The following PLK5 variants were observed in gnomAD, a reference collection of about 807,000 sequenced individuals.
The protein encoded by PLK5 is inactive serine/threonine-protein kinase PLK5.
Under a neutral mutation model 33.7 loss-of-function variants are expected in PLK5, and 28 were observed. That is an observed-to-expected ratio of 0.83 (90% confidence interval 0.62 to 1.14). The LOEUF is 1.14. Ranked by LOEUF, PLK5 falls within the 50% of genes most tolerant of loss-of-function variation. The pLI, the probability that PLK5 is intolerant of heterozygous loss-of-function variation, is 0.00. For missense variants in PLK5, 492 were observed against 461.5 expected (o/e 1.07, Z -0.61); for synonymous variants, 225 against 202.2 (o/e 1.11, Z -0.96).
chr19:1,526,600 C>T lies in PLK5; in HGVS notation c.-198C>T, dbSNP rs1433870547. On this transcript the variant is annotated 5_prime_UTR_variant, in exon 4 of 14. Transcript: ENST00000454744. ...CCTGCACCAGCGGTGCATCCTGCAC[C>T]GCGACCTGAAGCTCAGTGAGTGCCA... 5.9e-5 allele frequency: 20 copies of T among 338,606 alleles called. 1 individual carries two copies. The highest frequency in any genetic ancestry group is 2.2e-5 in the African/African-American group (1 of 45,470). 21.0% of individuals were successfully genotyped at this position (338,606 alleles called of 1,614,324 possible).
chr19:1,526,660 G>T, intron 4 of PLK5, 44 bp from the exon 5 acceptor site: 1 of 397,690 alleles, frequency 2.5e-6, no homozygotes, highest in South Asian at 2.3e-5. Flanking sequence ...GTCGGGAGGT[G>T]GGCACGGATC....
intron 12 of PLK5, among the ~76,000 whole-genome samples, chr19:1,532,269 G>C (rs1465301352): frequency 6.6e-6 from 1 of 152,010 alleles, no homozygotes; most frequent in Non-Finnish European, 1.5e-5. Flanking sequence ...AGCTTGGTGT[G>C]GTGGCACACA....
intron 12 of PLK5, among the ~76,000 whole-genome samples, chr19:1,532,902 G>A (rs971725861): frequency 1.3e-5 from 2 of 151,752 alleles, no homozygotes; most frequent in South Asian, 2.1e-4. Context: ...TCCTGACCTC[G>A]TGATCTGCCC....
chr19:1,530,603 CA>C (rs1398875891), intron 11 of PLK5, among the ~76,000 whole-genome samples: 1 of 100,238 alleles, frequency 1.0e-5, no homozygotes, highest in Non-Finnish European at 2.0e-5. Flanking sequence ...CGCCTGGGCG[CA>C]TTTTTTTTTT....
intron 5 of PLK5, 47 bp downstream of exon 5, chr19:1,526,838 G>A (rs1015669037): frequency 2.1e-5 from 19 of 912,432 alleles, no homozygotes; most frequent in Non-Finnish European, 2.6e-5. Context: ...GGGTGGGCAC[G>A]GCTGGCCCTG....
Position 1,528,439 on chromosome 19 carries a change from C to T in PLK5, c.328+11C>T, listed in dbSNP as rs1374663622. ...AGTGCCGGCCACCCTGTAAGTACCA[C>T]CCCCGCCCACACCTGCCCAACACCT... On this transcript the variant is annotated intron_variant, in intron 8 of 13. Transcript: ENST00000454744. The T allele has an allele frequency of 2.6e-6, 4 of 1,528,076 alleles. No individual in the cohort carries two copies. The highest frequency in any genetic ancestry group is 3.5e-6 in the Non-Finnish European group (4 of 1,142,458). 94.7% of individuals were successfully genotyped at this position (1,528,076 alleles called of 1,614,324 possible). A position where few individuals can be genotyped will look rare whatever the true frequency, so the allele number is the denominator to read the frequency against.
chr19:1,526,535 T>A lies in PLK5; in HGVS notation c.-263T>A. The A allele has an allele frequency of 3.5e-6, 1 of 288,072 alleles. No homozygotes were observed. Among genetic ancestry groups the A allele is most frequent in the South Asian group, 2.8e-5 (1 of 35,896 alleles). The allele number at this position is 288,072 out of a possible 1,614,324, so 17.8% of individuals were successfully genotyped here. A position where few individuals can be genotyped will look rare whatever the true frequency, so the allele number is the denominator to read the frequency against. On this transcript the variant is annotated 5_prime_UTR_variant, in exon 4 of 14. Transcript: ENST00000454744. ...CGGCAGATCCTGACGGAGCCAGAAGTGCGCGACTACCTGCGGGGCCTGGTC... is the reference window on the plus strand; with the variant it reads ...CGGCAGATCCTGACGGAGCCAGAAGAGCGCGACTACCTGCGGGGCCTGGTC...
rs1339382722 is a variant in PLK5, at chr19:1,531,753, T to C, written c.584T>C (p.Leu195Pro). The change falls in exon 12 of 14, where the codon CTG (leucine) becomes CCG (proline). Residue 195 changes from leucine to proline, a missense_variant. By Grantham distance (98) the Leu-to-Pro change is moderately conservative. Coordinates refer to ENST00000454744, the MANE Select transcript of PLK5 (RefSeq NM_001243079.2). ...DVGPPATQDP[L>P]GEQQPILWAP... is the part of the protein sequence containing the mutation. ...TTGTGCCCAGCCACACAGGACCCCCTGGGAGAGCAGCAGCCCATCCTCTGG... is the reference window on the plus strand; with the variant it reads ...TTGTGCCCAGCCACACAGGACCCCCCGGGAGAGCAGCAGCCCATCCTCTGG... The C allele has an allele frequency of 3.9e-6, 6 of 1,536,522 alleles. No homozygotes were observed. In the Admixed American group the frequency reaches 9.8e-5, roughly 25 times the overall value.
chr19:1,528,004 G>C lies in PLK5; in HGVS notation c.71G>C (p.Arg24Pro), dbSNP rs1016743302. ...SPLSEMYQNI[R>P]EGHYPEPAHL... is the part of the protein sequence containing the mutation. ...CTGTCGGAGATGTACCAAAACATCC[G>C]TGAGGGCCACTACCCCGAACCCGCT... is the stretch of plus-strand genomic sequence containing the variant. Residue 24 changes from arginine (R) to proline (P), a missense_variant, in exon 7 of 14, where the codon CGT (arginine) becomes CCT (proline). Physicochemically the swap from Arg to Pro is moderately radical, Grantham distance 103. Coordinates refer to ENST00000454744, the MANE Select transcript of PLK5 (RefSeq NM_001243079.2). 5.9e-6 allele frequency: 9 copies of C among 1,536,092 alleles called. No individual in the cohort carries two copies. The highest frequency in any genetic ancestry group is 7.8e-6 in the Non-Finnish European group (9 of 1,146,870).
chr19:1,526,189 C>T (rs1382240182), intron 3 of PLK5, among the ~76,000 whole-genome samples: 2 of 152,194 alleles, frequency 1.3e-5, no homozygotes, highest in Non-Finnish European at 2.9e-5. Flanking sequence ...GCGTTCACTC[C>T]TAATCACCTG....
chr19:1,535,262 G>T lies in PLK5; in HGVS notation c.*12G>T. On this transcript the variant is annotated 3_prime_UTR_variant, in exon 14 of 14. Transcript: ENST00000454744. ...TGCAGAGTATCTAGTGCCCCTGAGG[G>T]TCAGAGTGGACCCCTGCATGGTAGT... 1 of 1,533,740 alleles carries T rather than the reference G, an allele frequency of 6.5e-7. No individual in the cohort carries two copies. The highest frequency in any genetic ancestry group is 8.7e-7 in the Non-Finnish European group (1 of 1,145,572).
At chr19:1,534,924 G>A (rs1393081836) in intron 13 of PLK5, 141 bp from the exon 14 acceptor site, 22 of 758,664 alleles carry the variant, frequency 2.9e-5, no homozygotes, top group South Asian at 2.8e-4. Context: ...TCCCGACCCC[G>A]AGTTCCTGTG....
At position 1,524,470 on chromosome 19, in the gene PLK5, T is replaced by C; in HGVS notation, c.-544+224T>C. ...GTGTCCGTGGGTTGCGTGTCCGGGG[T>C]GTGGGCGTGCGGCTCGGCCTCGGGA... On this transcript the variant is annotated intron_variant, in intron 1 of 13. Coordinates refer to ENST00000454744, the MANE Select transcript of PLK5 (RefSeq NM_001243079.2). This position sits in a 1 kb window ranked among gnomAD's most constrained non-coding sequence, Gnocchi z 4.5. 6.6e-6 allele frequency among the ~76,000 whole-genome samples: 1 copy of C among 150,460 alleles called. No homozygotes were observed. Among genetic ancestry groups the C allele is most frequent in the East Asian group, 1.9e-4 (1 of 5,168 alleles).
At chr19:1,532,819 G>C (rs1201005437) in intron 12 of PLK5, among the ~76,000 whole-genome samples, 1 of 151,906 alleles carries the variant, frequency 6.6e-6, no homozygotes, top group Non-Finnish European at 1.5e-5. Context: ...ACCGCGCTCA[G>C]CCACTCCTGG....
At chr19:1,527,048 G>A (rs1304874606) in intron 6 of PLK5, 50 bp downstream of exon 6, 24 of 1,160,592 alleles carry the variant, frequency 2.1e-5, no homozygotes, top group Non-Finnish European at 2.7e-5. Context: ...GGGGGCAGGT[G>A]TGGCGGGGGG....
intron 13 of PLK5, among the ~76,000 whole-genome samples, chr19:1,534,333 C>A (rs1240352734): frequency 2.6e-5 from 4 of 151,206 alleles, no homozygotes; most frequent in Admixed American, 1.3e-4. Flanking sequence ...ACGGTGAAAC[C>A]CCATCTCTAC....
chr19:1,528,068 C>G lies in PLK5; in HGVS notation c.135C>G (p.Leu45=). 6.5e-7 allele frequency: 1 copy of G among 1,536,082 alleles called. No homozygotes were observed. Among genetic ancestry groups the G allele is most frequent in the Non-Finnish European group, 8.7e-7 (1 of 1,146,846 alleles). ...ATGCGCGCCGCCTCATCGTGCACCT[C>G]CTAGCACCCAACCCGGCCGAGCGGC... ...SANARRLIVH[L]LAPNPAERPS... is the part of the protein sequence containing the mutation. The change falls in exon 7 of 14, where the codon CTC becomes CTG. Residue 45 remains leucine, a synonymous_variant. Coordinates refer to ENST00000454744, the MANE Select transcript of PLK5 (RefSeq NM_001243079.2).
rs1913787022 is a variant in PLK5, at chr19:1,527,916, T to A, written c.3-20T>A. 6.5e-7 allele frequency: 1 copy of A among 1,528,722 alleles called. No individual in the cohort carries two copies. Among genetic ancestry groups the A allele is most frequent in the African/African-American group, 1.4e-5 (1 of 73,058 alleles). 94.7% of individuals were successfully genotyped at this position (1,528,722 alleles called of 1,614,324 possible). A position where few individuals can be genotyped will look rare whatever the true frequency, so the allele number is the denominator to read the frequency against. ...GAGCGATGCCTGGACACCCAGGTTCTTGCCCCCCACCTGGCCCAGGTACAC... is the reference window on the plus strand; with the variant it reads ...GAGCGATGCCTGGACACCCAGGTTCATGCCCCCCACCTGGCCCAGGTACAC... On this transcript the variant is annotated intron_variant, in intron 6 of 13. Coordinates refer to ENST00000454744, the MANE Select transcript of PLK5 (RefSeq NM_001243079.2).
chr19:1,526,392 CGCTCACCTGT>C (rs1352206634), intron 3 of PLK5, 84 bp from the exon 4 acceptor site: 2 of 187,082 alleles, frequency 1.1e-5, no homozygotes, highest in East Asian at 1.8e-4. Context: ...TGTGCACCTG[CGCTCACCTGT>C]GCTCATCCCA....
Sources: gnomAD v4.1 joint callset for allele counts (sites outside exome capture counted in the v4.1 genomes callset) on GRCh38, gnomAD v4.1.1 for gene constraint, Gnocchi (gnomAD v3.1) non-coding constraint, MANE v1.5 for transcripts, NCBI Gene and HGNC (gene_info 2026-07-23, HGNC 2026-07-21) for gene names.